ACBD6: variants seen among roughly 807,000 people sequenced by gnomAD.
The protein encoded by ACBD6 is acyl-CoA binding domain containing 6.
A neutral mutation model predicts 37.2 loss-of-function variants in ACBD6; 28 were observed. The observed-to-expected ratio is 0.75, with a 90% CI of 0.56 to 1.03. The LOEUF is 1.03. Among genes scored for constraint, ACBD6 ranks in the 50% least tolerant of loss-of-function variants. The pLI, the probability that ACBD6 is intolerant of heterozygous loss-of-function variation, is 0.00. For missense variants in ACBD6, 340 were observed against 337.4 expected (o/e 1.01, Z -0.06); for synonymous variants, 113 against 126.8 (o/e 0.89, Z 0.73).
At chr1:180,417,170 T>A (rs1648132353) in intron 4 of ACBD6, among the ~76,000 whole-genome samples, 1 of 152,190 alleles carries the variant, frequency 6.6e-6, no homozygotes, top group African/African-American at 2.4e-5. Context: ...TATAGATCAT[T>A]TTAAGTGACT....
chr1:180,412,367 T>A (rs1647897406), intron 5 of ACBD6, among the ~76,000 whole-genome samples: 2 of 152,202 alleles, frequency 1.3e-5, no homozygotes. Flanking sequence ...TTGATTATTA[T>A]CTATTCTACA....
intron 3 of ACBD6, among the ~76,000 whole-genome samples, chr1:180,467,963 A>G (rs1650414776): frequency 1.3e-5 from 2 of 152,202 alleles, no homozygotes; most frequent in South Asian, 4.1e-4. Context: ...ACAAAACCTG[A>G]GGCAAAGCTC....
At chr1:180,328,163 CT>C (rs1440959402) in intron 6 of ACBD6, among the ~76,000 whole-genome samples, 1 of 151,962 alleles carries the variant, frequency 6.6e-6, no homozygotes, top group African/African-American at 2.4e-5. Context: ...TGGTTTTTAA[CT>C]GCTAAATACA....
rs532368687 is a variant in ACBD6, at chr1:180,446,934, G to C, written c.385-16672C>G. Among the ~76,000 whole-genome samples, 55 of 152,202 alleles carry C rather than the reference G, an allele frequency of 3.6e-4. 1 individual carries two copies. In the South Asian group the frequency reaches 0.01, roughly 29 times the overall value. ...TGCATATCTGTAATCCCAGCTACTT[G>C]GGAGGCTGAAGCAGGAGTATTGCTT... On this transcript the variant is annotated intron_variant, in intron 3 of 7. Transcript: ENST00000367595.
chr1:180,389,562 C>T (rs1442595212), intron 6 of ACBD6, among the ~76,000 whole-genome samples: 1 of 152,160 alleles, frequency 6.6e-6, no homozygotes, highest in Non-Finnish European at 1.5e-5. Context: ...TTCTAGATCC[C>T]TGAGGAATTG....
At chr1:180,316,336 G>GCACA (rs147480605) in intron 6 of ACBD6, among the ~76,000 whole-genome samples, 7,575 of 149,342 alleles carry the variant, frequency 0.051, 221 homozygotes, top group South Asian at 0.06. Flanking sequence ...GCGTGAGTGC[G>GCACA]CACACACACA....
At chr1:180,357,728 C>T (rs1050303048) in intron 6 of ACBD6, among the ~76,000 whole-genome samples, 1 of 152,184 alleles carries the variant, frequency 6.6e-6, no homozygotes, top group Non-Finnish European at 1.5e-5. Context: ...GGAAGATGAT[C>T]CTCAAAGTCT....
chr1:180,351,333 T>C (rs1652411522), intron 6 of ACBD6, among the ~76,000 whole-genome samples: 1 of 151,218 alleles, frequency 6.6e-6, no homozygotes, highest in Non-Finnish European at 1.5e-5. Context: ...TGGAGTACAA[T>C]GGCACAATCC....
chr1:180,418,477 G>A (rs1459805836), intron 4 of ACBD6, among the ~76,000 whole-genome samples: 1 of 152,050 alleles, frequency 6.6e-6, no homozygotes, highest in East Asian at 1.9e-4. Flanking sequence ...TATTTGGGAA[G>A]CTAAGGTGAT....
intron 6 of ACBD6, among the ~76,000 whole-genome samples, chr1:180,328,328 T>C (rs568005731): frequency 2.0e-5 from 3 of 152,010 alleles, no homozygotes; most frequent in Non-Finnish European, 4.4e-5. Flanking sequence ...CACATACATA[T>C]TCCAAGCTGT....
At chr1:180,430,539 T>C (rs141312329) in intron 3 of ACBD6, among the ~76,000 whole-genome samples, 1 of 152,080 alleles carries the variant, frequency 6.6e-6, no homozygotes, top group Non-Finnish European at 1.5e-5. Flanking sequence ...GACTGTGAGA[T>C]GATGTTCAAT....
intron 6 of ACBD6, among the ~76,000 whole-genome samples, chr1:180,321,899 C>T (rs1247619690): frequency 6.6e-6 from 1 of 152,066 alleles, no homozygotes; most frequent in East Asian, 1.9e-4. Context: ...CTAGGTCTTC[C>T]ATTATCATGT....
intron 3 of ACBD6, among the ~76,000 whole-genome samples, chr1:180,481,868 T>C (rs964443631): frequency 3.1e-4 from 47 of 152,258 alleles, no homozygotes; most frequent in African/African-American, 1.0e-3. Context: ...AGGTGGTAAA[T>C]AGTAACACAA....
intron 6 of ACBD6, among the ~76,000 whole-genome samples, chr1:180,343,762 A>G (rs1328009012): frequency 6.6e-6 from 1 of 152,140 alleles, no homozygotes; most frequent in Non-Finnish European, 1.5e-5. Flanking sequence ...AGTAAGCATA[A>G]AAACAAAACA....
intron 7 of ACBD6, among the ~76,000 whole-genome samples, chr1:180,289,859 G>A (rs888435868): frequency 3.3e-5 from 5 of 151,942 alleles, no homozygotes; most frequent in African/African-American, 4.8e-5. Context: ...TTTGCAAACC[G>A]GTAAAACTAA....
intron 5 of ACBD6, among the ~76,000 whole-genome samples, chr1:180,412,172 T>C (rs1444847361): frequency 6.6e-6 from 1 of 151,034 alleles, no homozygotes; most frequent in East Asian, 1.9e-4. Flanking sequence ...GAAGACCTGG[T>C]ATTATTTTGT....
intron 6 of ACBD6, among the ~76,000 whole-genome samples, chr1:180,396,177 A>C (rs1403568034): frequency 1.3e-5 from 2 of 152,206 alleles, no homozygotes; most frequent in African/African-American, 2.4e-5. Context: ...TTTAATGGTT[A>C]GAGTTTCAGT....
At chr1:180,402,884 A>T (rs531302972) in intron 5 of ACBD6, among the ~76,000 whole-genome samples, 1 of 152,244 alleles carries the variant, frequency 6.6e-6, no homozygotes, top group African/African-American at 2.4e-5. Flanking sequence ...AAAGGGAGGT[A>T]TTATTTCATC....
chr1:180,441,716 C>CTGATCTTA (rs553773004), intron 3 of ACBD6, among the ~76,000 whole-genome samples: 1 of 152,190 alleles, frequency 6.6e-6, no homozygotes, highest in African/African-American at 2.4e-5. Context: ...TTTCTGCATG[C>CTGATCTTA]TGATCTTATG....
Sources: gnomAD v4.1 joint callset for allele counts (sites outside exome capture counted in the v4.1 genomes callset) on GRCh38, gnomAD v4.1.1 for gene constraint, MANE v1.5 for transcripts, NCBI Gene and HGNC (gene_info 2026-07-23, HGNC 2026-07-21) for gene names.